PCDH15: variants seen among roughly 807,000 people sequenced by gnomAD.
PCDH15 encodes the protein protocadherin-15.
PCDH15 carries 129 observed loss-of-function variants against 178.5 expected under a neutral mutation model. The observed-to-expected ratio is 0.72, with a 90% CI of 0.63 to 0.84. The LOEUF (loss-of-function observed/expected upper bound fraction) is 0.84, where lower values mean the gene tolerates loss of function less well. Among genes scored for constraint, PCDH15 ranks in the 40% least tolerant of loss-of-function variants. The pLI is 0.00. For missense variants in PCDH15, 2,230 were observed against 2,099.9 expected, an observed-to-expected ratio of 1.06 and a Z score of -1.21; for synonymous variants, 800 against 732.0, an observed-to-expected ratio of 1.09 and a Z score of -1.50.
intron 2 of PCDH15, among the ~76,000 whole-genome samples, chr10:55,532,389 C>G (rs943158163): frequency 6.6e-6 from 1 of 151,968 alleles, no homozygotes; most frequent in African/African-American, 2.4e-5. Context: ...GGTAGCTATA[C>G]TCAGTCGCTT....
chr10:53,913,938 C>T (rs180691790), intron 25 of PCDH15, among the ~76,000 whole-genome samples: 35 of 152,018 alleles, frequency 2.3e-4, no homozygotes, highest in Admixed American at 1.6e-3. Flanking sequence ...ACAACACCGT[C>T]AAAAAGTGGG....
intron 2 of PCDH15, among the ~76,000 whole-genome samples, chr10:54,930,657 T>C (rs562341174): frequency 8.5e-5 from 13 of 152,308 alleles, no homozygotes; most frequent in African/African-American, 1.4e-4. Flanking sequence ...TTTATTCTTA[T>C]AGAAATAATA....
chr10:55,397,871 G>A (rs1837967927), intron 2 of PCDH15, among the ~76,000 whole-genome samples: 1 of 152,100 alleles, frequency 6.6e-6, no homozygotes, highest in African/African-American at 2.4e-5. Context: ...TTACAGGCAT[G>A]AGCCACCACG....
At chr10:54,742,196 CTTA>C (rs1944899907) in intron 1 of PCDH15, among the ~76,000 whole-genome samples, 1 of 151,898 alleles carries the variant, frequency 6.6e-6, no homozygotes, top group South Asian at 2.1e-4. Flanking sequence ...GCGCTTTGTC[CTTA>C]TTATTGTATT....
chr10:55,461,695 G>T (rs977674787), intron 2 of PCDH15, among the ~76,000 whole-genome samples: 4 of 151,902 alleles, frequency 2.6e-5, no homozygotes, highest in Non-Finnish European at 5.9e-5. Context: ...TTACTTTATT[G>T]GACACCATGG....
intron 2 of PCDH15, among the ~76,000 whole-genome samples, chr10:54,913,375 G>A (rs1476332496): frequency 6.6e-6 from 1 of 152,172 alleles, no homozygotes; most frequent in Non-Finnish European, 1.5e-5. Context: ...CCAAGCATTG[G>A]CAGCTTCCAT....
At chr10:55,362,838 T>C (rs1002575124) in intron 2 of PCDH15, among the ~76,000 whole-genome samples, 21 of 152,176 alleles carry the variant, frequency 1.4e-4, no homozygotes, top group Non-Finnish European at 2.2e-4. Context: ...TTTATCTCTA[T>C]AATTTGGTCA....
At chr10:55,471,070 G>A (rs1037560532) in intron 2 of PCDH15, among the ~76,000 whole-genome samples, 4 of 152,070 alleles carry the variant, frequency 2.6e-5, no homozygotes, top group African/African-American at 7.2e-5. Context: ...CCTACTAAAC[G>A]ATATATTGGT....
chr10:54,177,925 C>T (rs1210620234), intron 13 of PCDH15, among the ~76,000 whole-genome samples: 1 of 152,096 alleles, frequency 6.6e-6, no homozygotes, highest in Non-Finnish European at 1.5e-5. Flanking sequence ...TCTGGAATGT[C>T]AGCTTGCTGC....
At chr10:55,201,898 C>T (rs1346714658) in intron 1 of PCDH15, among the ~76,000 whole-genome samples, 1 of 152,012 alleles carries the variant, frequency 6.6e-6, no homozygotes, top group Non-Finnish European at 1.5e-5. Context: ...TAATAAAAGG[C>T]CAGTTTTTCT....
At chr10:54,184,455 T>A (rs573175567) in intron 12 of PCDH15, among the ~76,000 whole-genome samples, 4 of 152,290 alleles carry the variant, frequency 2.6e-5, no homozygotes, top group African/African-American at 9.6e-5. Context: ...TGTGTGTGTA[T>A]GTTTATGTGT....
At chr10:54,065,411 A>T (rs1003451886) in intron 18 of PCDH15, among the ~76,000 whole-genome samples, 1 of 152,064 alleles carries the variant, frequency 6.6e-6, no homozygotes, top group Non-Finnish European at 1.5e-5. Flanking sequence ...TGTTATCTAC[A>T]CTTCTCAAAA....
intron 2 of PCDH15, among the ~76,000 whole-genome samples, chr10:55,046,044 C>A (rs1371578694): frequency 2.0e-5 from 3 of 152,052 alleles, no homozygotes; most frequent in Non-Finnish European, 4.4e-5. Flanking sequence ...TTCTTGTTGA[C>A]AAATTCTGCC....
At chr10:54,774,910 G>GA (rs148462979) in intron 1 of PCDH15, among the ~76,000 whole-genome samples, 5 of 151,632 alleles carry the variant, frequency 3.3e-5, no homozygotes, top group East Asian at 1.9e-4. Context: ...TAATAAAGAA[G>GA]AAAAAAAAGT....
chr10:55,400,008 C>A (rs1245473231), intron 2 of PCDH15, among the ~76,000 whole-genome samples: 1 of 152,020 alleles, frequency 6.6e-6, no homozygotes, highest in Non-Finnish European at 1.5e-5. Flanking sequence ...TGGAAACTCC[C>A]AGGTGGTTAT....
Position 54,035,376 on chromosome 10 carries a change from A to T in PCDH15, c.2221-12179T>A, listed in dbSNP as rs188874772. 5.3e-5 allele frequency among the ~76,000 whole-genome samples: 8 copies of T among 152,078 alleles called. No individual in the cohort carries two copies. The East Asian group carries it at 1.2e-3, about 22-fold the overall frequency. ...TGTGCTCATTTCATGTCTCTGAGGC[A>T]CATTTTGGTAATTCTCAGAATATGA... On this transcript the variant is annotated intron_variant, in intron 18 of 37. Coordinates refer to ENST00000644397, the MANE Select transcript of PCDH15 (RefSeq NM_001384140.1).
chr10:53,925,884 C>T (rs2610849), intron 25 of PCDH15, among the ~76,000 whole-genome samples: 7,101 of 152,188 alleles, frequency 0.047, 509 homozygotes, highest in African/African-American at 0.16. Context: ...ATTTGTACCA[C>T]GTGAGACTAG....
chr10:54,201,042 C>T (rs1452303127), intron 10 of PCDH15, among the ~76,000 whole-genome samples: 2 of 152,144 alleles, frequency 1.3e-5, no homozygotes, highest in African/African-American at 2.4e-5. Flanking sequence ...TTACCCTGCA[C>T]GAACCTCCTC....
intron 2 of PCDH15, among the ~76,000 whole-genome samples, chr10:55,406,784 G>T (rs1271422628): frequency 1.3e-5 from 2 of 150,658 alleles, no homozygotes; most frequent in African/African-American, 2.4e-5. Context: ...AGACTGACAG[G>T]AGAGTGAGGT....
Sources: gnomAD v4.1 joint callset for allele counts (sites outside exome capture counted in the v4.1 genomes callset) on GRCh38, gnomAD v4.1.1 for gene constraint, MANE v1.5 for transcripts, NCBI Gene and HGNC (gene_info 2026-07-23, HGNC 2026-07-21) for gene names.